Variants in RBBP8 observed in about 807,000 individuals in gnomAD.
RBBP8 encodes DNA endonuclease RBBP8.
RBBP8 carries 88 observed loss-of-function variants against 108.3 expected under a neutral mutation model. That is an observed-to-expected ratio of 0.81 (90% confidence interval 0.68 to 0.97). The LOEUF (loss-of-function observed/expected upper bound fraction) is 0.97. Among genes scored for constraint, RBBP8 ranks in the 50% least tolerant of loss-of-function variants. The probability of loss-of-function intolerance (pLI) is 0.00; values close to 1 mark genes in which losing one functional copy is unlikely to be tolerated. For synonymous variants in RBBP8, 332 were observed against 348.2 expected, an observed-to-expected ratio of 0.95 and a Z score of 0.52; for missense variants, 1,023 against 1,049.0, an observed-to-expected ratio of 0.98 and a Z score of 0.34.
intron 18 of RBBP8, among the ~76,000 whole-genome samples, chr18:23,023,339 G>T (rs140445897): frequency 3.0e-4 from 45 of 152,256 alleles, no homozygotes; most frequent in Middle Eastern, 6.8e-3. Flanking sequence ...TTTATAAGTG[G>T]TATCTGAATA....
At chr18:23,022,049 A>G in intron 17 of RBBP8, 80 bp from the exon 18 acceptor site, 1 of 1,191,432 alleles carries the variant, frequency 8.4e-7, no homozygotes, top group Non-Finnish European at 1.2e-6. Context: ...TGGCTTTTTT[A>G]GCTTCTAGTT....
intron 6 of RBBP8, among the ~76,000 whole-genome samples, chr18:22,980,932 A>C (rs1186511416): frequency 1.5e-5 from 2 of 137,862 alleles, no homozygotes; most frequent in Non-Finnish European, 3.1e-5. Flanking sequence ...GGCCTCCCAA[A>C]GTGCTGGAAT....
At chr18:23,022,970 A>G (rs1402260023) in intron 18 of RBBP8, among the ~76,000 whole-genome samples, 1 of 151,484 alleles carries the variant, frequency 6.6e-6, no homozygotes, top group Admixed American at 6.6e-5. Context: ...ATGCATAATC[A>G]TGGCTCACTG....
chr18:22,945,602 C>T (rs758023099), intron 2 of RBBP8, among the ~76,000 whole-genome samples: 2 of 151,956 alleles, frequency 1.3e-5, no homozygotes, highest in Non-Finnish European at 2.9e-5. Context: ...GGGCTGGTCT[C>T]GGAACTCTTG....
At position 22,993,032 on chromosome 18, in the gene RBBP8, C is replaced by G. The variant is rs142985836; in HGVS notation, c.1205C>G (p.Ser402Cys). ...GTGAACAAGATCATTATCCAGTCAT[C>G]TAATAAACAGATACTTATAAATAAA... is the stretch of plus-strand genomic sequence containing the variant. ...SEVNKIIIQS[S>C]NKQILINKNI... Residue 402 changes from serine (S) to cysteine (C), a missense_variant, in exon 11 of 19, where the codon TCT (serine) becomes TGT (cysteine). By Grantham distance (112) the Ser-to-Cys change is moderately radical. Coordinates refer to ENST00000327155, the MANE Select transcript of RBBP8 (RefSeq NM_002894.3). 3 of 1,612,928 alleles carry G rather than the reference C, an allele frequency of 1.9e-6. No individual in the cohort carries two copies. In the African/African-American group the frequency reaches 4.0e-5, roughly 22 times the overall value.
chr18:22,978,326 A>G (rs1177537784), intron 6 of RBBP8, among the ~76,000 whole-genome samples: 1 of 152,242 alleles, frequency 6.6e-6, no homozygotes, highest in East Asian at 1.9e-4. Flanking sequence ...ACAAGTGTGC[A>G]TAATTAATTT....
chr18:22,972,322 C>G (rs1249162575), intron 5 of RBBP8, among the ~76,000 whole-genome samples: 3 of 141,976 alleles, frequency 2.1e-5, no homozygotes, highest in Non-Finnish European at 4.5e-5. Context: ...CCACTGCATT[C>G]CAGCCTCGGC....
chr18:22,936,865 G>A lies in RBBP8; in HGVS notation c.14G>A (p.Gly5Glu), dbSNP rs772792358. 34 of 1,613,984 alleles carry A rather than the reference G, an allele frequency of 2.1e-5. No homozygotes were observed. The highest frequency in any genetic ancestry group is 1.6e-4 in the Middle Eastern group (1 of 6,084). ...ATATTAAGCAAGATGAACATCTCGG[G>A]AAGCAGCTGTGGAAGCCCTAACTCT... is the stretch of plus-strand genomic sequence containing the variant. MNIS[G>E]SSCGSPNSAD... Residue 5 changes from glycine (G) to glutamate (E), a missense_variant, in exon 2 of 19, where the codon GGA (glycine) becomes GAA (glutamate). Physicochemically the swap from Gly to Glu is moderately conservative, Grantham distance 98. Coordinates refer to ENST00000327155, the MANE Select transcript of RBBP8 (RefSeq NM_002894.3).
intron 3 of RBBP8, among the ~76,000 whole-genome samples, chr18:22,924,115 AGTTT>A (rs1459249887): frequency 4.5e-5 from 6 of 133,058 alleles, no homozygotes; most frequent in African/African-American, 1.1e-4. Flanking sequence ...TTTTTTAGTT[AGTTT>A]GTTTTTGGTT....
intron 2 of RBBP8, among the ~76,000 whole-genome samples, chr18:22,944,601 C>T (rs1177728795): frequency 6.6e-6 from 1 of 152,182 alleles, no homozygotes; most frequent in Non-Finnish European, 1.5e-5. Flanking sequence ...CTGCTGTGAA[C>T]ATTCAATACA....
intron 17 of RBBP8, among the ~76,000 whole-genome samples, chr18:23,020,222 G>C (rs1388258176): frequency 6.6e-6 from 1 of 151,438 alleles, no homozygotes; most frequent in Admixed American, 6.6e-5. Context: ...GGAGTTCAAG[G>C]CCAGCCTGGC....
chr18:22,988,383 A>T (rs1469546124), intron 8 of RBBP8, among the ~76,000 whole-genome samples: 1 of 152,158 alleles, frequency 6.6e-6, no homozygotes, highest in Non-Finnish European at 1.5e-5. Context: ...CTGTAGTTTG[A>T]CTTCTAGCAG....
intron 3 of RBBP8, 105 bp from the exon 4 acceptor site, chr18:22,949,513 T>G: frequency 1.2e-6 from 1 of 850,902 alleles, no homozygotes; most frequent in Non-Finnish European, 1.9e-6. Context: ...TTCAGTTGTT[T>G]TGTTTTGGTA....
intron 5 of RBBP8, among the ~76,000 whole-genome samples, chr18:22,972,914 T>A (rs1041900613): frequency 1.3e-5 from 2 of 152,224 alleles, no homozygotes; most frequent in Non-Finnish European, 2.9e-5. Context: ...CCTACTCTAA[T>A]GACTGAAAAT....
chr18:22,940,058 G>C (rs775095034), intron 2 of RBBP8, among the ~76,000 whole-genome samples: 4 of 150,994 alleles, frequency 2.6e-5, no homozygotes, highest in Non-Finnish European at 5.9e-5. Context: ...TTTGGGGGAG[G>C]TGGATAGGAT....
rs773963644 is a variant in RBBP8 at position 22,997,633 on chromosome 18, C to T, written c.2042C>T (p.Ser681Leu). 2.5e-6 allele frequency: 4 copies of T among 1,601,822 alleles called. No homozygotes were observed. Among genetic ancestry groups the T allele is most frequent in the Admixed American group, 3.4e-5 (2 of 59,638 alleles). Residue 681 changes from serine (S) to leucine (L), a missense_variant, in exon 14 of 19, where the codon TCA becomes TTA. Coordinates refer to ENST00000327155, the MANE Select transcript of RBBP8 (RefSeq NM_002894.3). Reference protein sequence around the residue: ...TVIDTKDGSQSKLGGETVDMD... With the variant: ...TVIDTKDGSQLKLGGETVDMD... ...ATATTTATTTAGGATGGCAGTCAGT[C>T]AAAATTAGGAGGAGAGACAGTGGAC...
In RBBP8 at chr18:22,966,889, G is replaced by A. The variant is rs116844235; in HGVS notation, c.249-1917G>A. On this transcript the variant is annotated intron_variant, in intron 4 of 18. Coordinates refer to ENST00000327155, the MANE Select transcript of RBBP8 (RefSeq NM_002894.3). ...TTACAAGCATGAGCCACCACATCCA[G>A]CTAATTTTTGTTTTTAGTAGAGATG... Among the ~76,000 whole-genome samples the A allele has an allele frequency of 5.7e-3, 859 of 151,946 alleles. 2 individuals carry two copies. Among genetic ancestry groups the A allele is most frequent in the Middle Eastern group, 0.024 (7 of 294 alleles).
At chr18:22,993,964 T>G in intron 12 of RBBP8, 117 bp downstream of exon 12, 1 of 1,059,208 alleles carries the variant, frequency 9.4e-7, no homozygotes, top group Non-Finnish European at 1.4e-6. Context: ...TTCCTTCAGG[T>G]GTCTGTATTT....
At chr18:22,938,821 G>A (rs1441250789) in intron 2 of RBBP8, among the ~76,000 whole-genome samples, 1 of 152,144 alleles carries the variant, frequency 6.6e-6, no homozygotes, top group Admixed American at 6.5e-5. Flanking sequence ...AAAGTGAATG[G>A]CCACTTACCT....
Sources: gnomAD v4.1 joint callset for allele counts (sites outside exome capture counted in the v4.1 genomes callset) on GRCh38, gnomAD v4.1.1 for gene constraint, MANE v1.5 for transcripts, NCBI Gene and HGNC (gene_info 2026-07-23, HGNC 2026-07-21) for gene names.